Variants in CLVS1 observed in about 807,000 individuals in gnomAD.
CLVS1 encodes clavesin-1.
Under a neutral mutation model 33.1 loss-of-function variants are expected in CLVS1, and 10 were observed. The ratio of observed to expected loss-of-function variants is 0.30; its 90% CI spans 0.19 to 0.51. The LOEUF (loss-of-function observed/expected upper bound fraction) is 0.51. CLVS1 is among the 20% of genes least tolerant of loss of function. The pLI, the probability that CLVS1 is intolerant of heterozygous loss-of-function variation, is 0.97. For missense variants in CLVS1, 343 were observed against 433.4 expected (o/e 0.79, Z 1.85); for synonymous variants, 163 against 166.1 (o/e 0.98, Z 0.14).
intron 3 of CLVS1, among the ~76,000 whole-genome samples, chr8:61,389,162 A>G (rs1349131495): frequency 3.9e-5 from 6 of 152,194 alleles, no homozygotes; most frequent in Non-Finnish European, 4.4e-5. Context: ...TTGGTCATGT[A>G]GTTTCCAACC....
rs548993956 is a variant in CLVS1 at position 61,403,306 on chromosome 8, A to G, written c.630+26527A>G. 9.8e-5 allele frequency among the ~76,000 whole-genome samples: 15 copies of G among 152,318 alleles called. No homozygotes were observed. In the South Asian group the frequency reaches 3.1e-3, roughly 32 times the overall value. ...GGGTCAGAGAGTGGGAGGCCCTGTC[A>G]GCCTTGGGAAGAATTCAGTTTTAGT... On this transcript the variant is annotated intron_variant, in intron 3 of 5. Transcript: ENST00000325897.
rs1022097543 is a variant in CLVS1 at position 61,482,412 on chromosome 8, T to C, written c.978-17043T>C. Reference sequence around the variant, plus strand: ...TCCATAATAACAAACTTCTCCGAGCTAAAGGAGGATGTTCGAACCCATTGC... The same window carrying C: ...TCCATAATAACAAACTTCTCCGAGCCAAAGGAGGATGTTCGAACCCATTGC... On this transcript the variant is annotated intron_variant, in intron 5 of 5. Transcript: ENST00000325897. Among the ~76,000 whole-genome samples, 3 of 152,206 alleles carry C rather than the reference T, an allele frequency of 2.0e-5. No homozygotes were observed. In the East Asian group the frequency reaches 5.8e-4, roughly 29 times the overall value.
At chr8:61,229,337 G>A (rs1440172689) in intron 2 of CLVS1, among the ~76,000 whole-genome samples, 1 of 152,146 alleles carries the variant, frequency 6.6e-6, no homozygotes, top group Non-Finnish European at 1.5e-5. Context: ...CAATGTCCCT[G>A]GCCCTTACTG....
chr8:61,127,438 A>G (rs1420419931), intron 1 of CLVS1, among the ~76,000 whole-genome samples: 1 of 152,014 alleles, frequency 6.6e-6, no homozygotes, highest in Non-Finnish European at 1.5e-5. Context: ...AGGCTGGTCT[A>G]TGAACTCCTG....
At chr8:61,267,961 G>A (rs1809346257) in intron 2 of CLVS1, among the ~76,000 whole-genome samples, 1 of 152,094 alleles carries the variant, frequency 6.6e-6, no homozygotes, top group African/African-American at 2.4e-5. Context: ...ATCAGAGGAG[G>A]AGACTTTGCC....
At chr8:61,313,109 A>G (rs1237960870) in intron 2 of CLVS1, among the ~76,000 whole-genome samples, 2 of 152,162 alleles carry the variant, frequency 1.3e-5, no homozygotes, top group South Asian at 2.1e-4. Context: ...TTCAGTCTTC[A>G]TTCTTATAAT....
At chr8:61,045,747 T>C in the CLVS1 span, among the ~76,000 whole-genome samples, 1 of 152,230 alleles carries the variant, frequency 6.6e-6, no homozygotes, top group Non-Finnish European at 1.5e-5. Context: ...AACCTGGTTC[T>C]TGGAGGTGGC....
rs1310721122 is a variant in CLVS1 at position 61,400,605 on chromosome 8, T to C, written c.630+23826T>C. Among the ~76,000 whole-genome samples, 4 of 152,228 alleles carry C rather than the reference T, an allele frequency of 2.6e-5. No homozygotes were observed. In the East Asian group the frequency reaches 7.7e-4, roughly 29 times the overall value. ...GTGATGAGAGAGTGCATCCTTGTCT[T>C]GTGCCAACTTTCAAGGGGTATGCTT... is the stretch of plus-strand genomic sequence containing the variant. On this transcript the variant is annotated intron_variant, in intron 3 of 5. Transcript: ENST00000325897.
intron 1 of CLVS1, 164 bp downstream of exon 1, chr8:61,288,302 GC>G (rs1809848588): frequency 4.4e-6 from 2 of 455,058 alleles, no homozygotes; most frequent in Non-Finnish European, 4.4e-6. Flanking sequence ...CCCGCTCCCC[GC>G]CGCCTCCGCG....
At chr8:61,126,467 A>G (rs73685734) in intron 1 of CLVS1, among the ~76,000 whole-genome samples, 3,197 of 152,338 alleles carry the variant, frequency 0.021, 109 homozygotes, top group African/African-American at 0.069. Context: ...TGCTATTGTT[A>G]CAACTAGATT....
intron 5 of CLVS1, among the ~76,000 whole-genome samples, chr8:61,489,303 T>C (rs1290128078): frequency 6.6e-6 from 1 of 152,224 alleles, no homozygotes; most frequent in Non-Finnish European, 1.5e-5. Context: ...TGCCCTTTGG[T>C]TTCTTACCAA....
At chr8:61,219,021 A>G (rs1262091595) in intron 2 of CLVS1, among the ~76,000 whole-genome samples, 2 of 152,148 alleles carry the variant, frequency 1.3e-5, no homozygotes, top group Non-Finnish European at 2.9e-5. Context: ...GTAGACAAAG[A>G]AGCTCACTAA....
chr8:61,288,301 CG>C, intron 1 of CLVS1, 163 bp downstream of exon 1: 1 of 455,664 alleles, frequency 2.2e-6, no homozygotes, highest in Non-Finnish European at 4.4e-6. Flanking sequence ...CCCCGCTCCC[CG>C]CCGCCTCCGC....
At chr8:61,310,597 A>G (rs1810797473) in intron 2 of CLVS1, among the ~76,000 whole-genome samples, 1 of 152,216 alleles carries the variant, frequency 6.6e-6, no homozygotes, top group African/African-American at 2.4e-5. Context: ...CTCATAGCCC[A>G]AAAGACAAAT....
chr8:61,144,047 G>GTA (rs1229639327), intron 2 of CLVS1, among the ~76,000 whole-genome samples: 3 of 145,066 alleles, frequency 2.1e-5, no homozygotes, highest in African/African-American at 7.6e-5. Context: ...TTGCTTTATT[G>GTA]TATATATATA....
chr8:61,347,449 T>G (rs889655677), intron 2 of CLVS1, among the ~76,000 whole-genome samples: 1 of 151,622 alleles, frequency 6.6e-6, no homozygotes, highest in African/African-American at 2.4e-5. Context: ...AGTAGAGTGA[T>G]GGTTACCAGG....
intron 2 of CLVS1, among the ~76,000 whole-genome samples, chr8:61,212,752 A>G (rs960464523): frequency 6.6e-6 from 1 of 152,104 alleles, no homozygotes; most frequent in African/African-American, 2.4e-5. Flanking sequence ...GAAGATGGGG[A>G]GCTGAATGGA....
the CLVS1 span, among the ~76,000 whole-genome samples, chr8:61,050,938 C>T: frequency 6.6e-5 from 10 of 152,312 alleles, no homozygotes; most frequent in Admixed American, 2.0e-4. Context: ...ATGAGCCAGT[C>T]AGATAATGAG....
intron 2 of CLVS1, chr8:61,264,585 A>G (rs141852949): frequency 6.6e-6 from 1 of 152,366 alleles, no homozygotes; most frequent in African/African-American, 2.4e-5. Flanking sequence ...GTGGAGGCTT[A>G]CAGACCGTAG....
Sources: gnomAD v4.1 joint callset for allele counts (sites outside exome capture counted in the v4.1 genomes callset) on GRCh38, gnomAD v4.1.1 for gene constraint, MANE v1.5 for transcripts, NCBI Gene and HGNC (gene_info 2026-07-23, HGNC 2026-07-21) for gene names.